Variants in PPARGC1B observed in about 807,000 individuals in gnomAD.
PPARGC1B encodes PPARG coactivator 1 beta.
A neutral mutation model predicts 101.6 loss-of-function variants in PPARGC1B; 34 were observed. The observed-to-expected ratio is 0.33, with a 90% CI of 0.25 to 0.45. The LOEUF (loss-of-function observed/expected upper bound fraction) is 0.45, where lower values mean the gene tolerates loss of function less well. PPARGC1B is among the 20% of genes least tolerant of loss of function. The pLI, the probability that PPARGC1B is intolerant of heterozygous loss-of-function variation, is 1.00. For synonymous variants in PPARGC1B, 548 were observed against 539.3 expected (o/e 1.02, Z -0.22); for missense variants, 1,234 against 1,317.6 (o/e 0.94, Z 0.98).
chr5:149,747,008 GAT>G (rs1226072739), intron 1 of PPARGC1B, among the ~76,000 whole-genome samples: 4 of 152,160 alleles, frequency 2.6e-5, no homozygotes, highest in Non-Finnish European at 4.4e-5. Context: ...AATCTCATCA[GAT>G]ATGATTTGCA....
intron 2 of PPARGC1B, 85 bp from the exon 3 acceptor site, chr5:149,826,588 G>A: frequency 6.6e-6 from 7 of 1,066,956 alleles, no homozygotes; most frequent in Non-Finnish European, 8.6e-6. Context: ...GGCAGAGCTG[G>A]TGTCCACCGT....
intron 1 of PPARGC1B, among the ~76,000 whole-genome samples, chr5:149,792,617 A>G (rs1414706801): frequency 6.6e-6 from 1 of 152,164 alleles, no homozygotes; most frequent in Non-Finnish European, 1.5e-5. Flanking sequence ...TTTGTGCCTG[A>G]GTTTTCCCAT....
intron 1 of PPARGC1B, among the ~76,000 whole-genome samples, chr5:149,794,569 C>T (rs1023114998): frequency 6.6e-6 from 1 of 151,590 alleles, no homozygotes; most frequent in African/African-American, 2.4e-5. Flanking sequence ...AGCAAAATTC[C>T]CTAAGCAGTA....
chr5:149,849,341 G>T lies in PPARGC1B; in HGVS notation c.*1783G>T, dbSNP rs1561646388. 6.6e-6 allele frequency: 1 copy of T among 152,192 alleles called. No individual in the cohort carries two copies. The highest frequency in any genetic ancestry group is 1.5e-5 in the Non-Finnish European group (1 of 68,044). 9.4% of individuals were successfully genotyped at this position (152,192 alleles called of 1,614,324 possible). ...GTAGGGGTAGGGAATTTGAACTGTT[G>T]TGTGTCACAGCAGTTGACCTCTCTG... On this transcript the variant is annotated 3_prime_UTR_variant, in exon 12 of 12. Coordinates refer to ENST00000309241, the MANE Select transcript of PPARGC1B (RefSeq NM_133263.4).
chr5:149,835,211 C>T, intron 6 of PPARGC1B, 90 bp from the exon 7 acceptor site: 1 of 1,187,990 alleles, frequency 8.4e-7, no homozygotes, highest in Non-Finnish European at 1.3e-6. Context: ...GGGCCTGTCA[C>T]AGCACTCCCT....
Position 149,730,723 on chromosome 5 carries a change from G to A in PPARGC1B, c.78+303G>A, listed in dbSNP as rs1032876656. Among the ~76,000 whole-genome samples the A allele has an allele frequency of 1.3e-5, 2 of 152,172 alleles. No homozygotes were observed. The highest frequency in any genetic ancestry group is 2.9e-5 in the Non-Finnish European group (2 of 67,992). On this transcript the variant is annotated intron_variant, in intron 1 of 11. Coordinates refer to ENST00000309241, the MANE Select transcript of PPARGC1B (RefSeq NM_133263.4). The surrounding 1 kb of genome is among the most constrained non-coding windows in gnomAD (Gnocchi z 4.0). ...GGGGGTACCGCGCTTCCTTTGGGAG[G>A]TGGAGGCGCGCCACGGTGTGGGGTA...
chr5:149,834,978 C>A (rs372156769), intron 6 of PPARGC1B, among the ~76,000 whole-genome samples: 2 of 152,258 alleles, frequency 1.3e-5, no homozygotes, highest in Non-Finnish European at 2.9e-5. Flanking sequence ...TCTTTTCTGA[C>A]AGTGCCCTGT....
intron 1 of PPARGC1B, among the ~76,000 whole-genome samples, chr5:149,756,272 G>C (rs1755517848): frequency 6.6e-6 from 1 of 152,044 alleles, no homozygotes; most frequent in African/African-American, 2.4e-5. Flanking sequence ...GACCAGCCTG[G>C]CCAACATGAT....
At chr5:149,738,846 C>G (rs933989132) in intron 1 of PPARGC1B, among the ~76,000 whole-genome samples, 18 of 152,212 alleles carry the variant, frequency 1.2e-4, no homozygotes. Context: ...CCGCTCGCCT[C>G]GGCCTCCCAA....
At chr5:149,855,074 C>T (rs1436916908), downstream of PPARGC1B, 1 of 152,224 alleles carries the variant, frequency 6.6e-6, no homozygotes, top group Non-Finnish European at 1.5e-5. Flanking sequence ...CATTGAGGGA[C>T]ACTCTGACCA....
intron 8 of PPARGC1B, among the ~76,000 whole-genome samples, chr5:149,838,692 A>G (rs11953848): frequency 0.076 from 11,558 of 152,200 alleles, 747 homozygotes; most frequent in African/African-American, 0.17. Context: ...AGAAACCCCC[A>G]TGGATTTTCC....
chr5:149,792,111 T>G (rs1581058446), intron 1 of PPARGC1B, among the ~76,000 whole-genome samples: 3 of 148,404 alleles, frequency 2.0e-5, no homozygotes, highest in Non-Finnish European at 4.5e-5. Flanking sequence ...GCGGGTGGAG[T>G]GGTGGAAAGG....
chr5:149,832,669 A>C lies in PPARGC1B; in HGVS notation c.596A>C (p.Gln199Pro). 1 of 1,542,862 alleles carries C rather than the reference A, an allele frequency of 6.5e-7. No homozygotes were observed. The highest frequency in any genetic ancestry group is 2.3e-5 in the East Asian group (1 of 43,974). ...QRPCVKADST[Q>P]DKKAPMMQSQ... ...CTCCCTCTCTAGGCGGACAGCACCC[A>C]AGACAAGAAGGCTCCCATGATGCAG... The change falls in exon 5 of 12, where the codon CAA (glutamine) becomes CCA (proline). Residue 199 changes from glutamine (Q) to proline (P), a missense_variant. This residue lies in a region of PPARGC1B where 734 missense variants were observed against 768.4 expected (regional missense o/e 0.96). Transcript: ENST00000309241. This position sits in a 1 kb window ranked among gnomAD's most constrained non-coding sequence, Gnocchi z 4.9.
intron 9 of PPARGC1B, among the ~76,000 whole-genome samples, chr5:149,841,380 C>G (rs760329002): frequency 7.9e-5 from 12 of 152,110 alleles, no homozygotes; most frequent in Non-Finnish European, 1.3e-4. Flanking sequence ...GCTTGGACAT[C>G]GTATGTTGTG....
intron 1 of PPARGC1B, among the ~76,000 whole-genome samples, chr5:149,766,208 T>C (rs1346045236): frequency 3.9e-5 from 6 of 152,090 alleles, no homozygotes; most frequent in Non-Finnish European, 7.4e-5. Flanking sequence ...ATGATTATGA[T>C]AAGAAATCAG....
Position 149,847,822 on chromosome 5 carries a change from G to T in PPARGC1B, c.*264G>T. The T allele has an allele frequency of 2.1e-6, 1 of 476,894 alleles. No homozygotes were observed. 29.5% of individuals were successfully genotyped at this position (476,894 alleles called of 1,614,324 possible). On this transcript the variant is annotated 3_prime_UTR_variant, in exon 12 of 12. Transcript: ENST00000309241. ...TCGCTTCCAACGGGTTGTCCCGGGT[G>T]CACCTCGAAGTGCCGGGTCCGTCAC...
chr5:149,758,234 A>C (rs1230212645), intron 1 of PPARGC1B, among the ~76,000 whole-genome samples: 1 of 152,180 alleles, frequency 6.6e-6, no homozygotes, highest in Non-Finnish European at 1.5e-5. Flanking sequence ...GGCAAGTCTC[A>C]CCACTCCCTT....
intron 1 of PPARGC1B, among the ~76,000 whole-genome samples, chr5:149,778,276 A>G (rs188775778): frequency 2.0e-5 from 3 of 152,004 alleles, no homozygotes; most frequent in Non-Finnish European, 4.4e-5. Context: ...AGTGGTGAGG[A>G]GGCCTGGGTT....
chr5:149,744,319 G>A (rs1004590788), intron 1 of PPARGC1B, among the ~76,000 whole-genome samples: 1 of 152,218 alleles, frequency 6.6e-6, no homozygotes, highest in Non-Finnish European at 1.5e-5. Flanking sequence ...CATTGGTTCT[G>A]TTAGTGTGTG....
Sources: allele counts gnomAD v4.1 joint callset (sites outside exome capture counted in the v4.1 genomes callset), GRCh38; gene constraint gnomAD v4.1.1; regional missense constraint gnomAD v4.1.1; non-coding constraint Gnocchi (gnomAD v3.1); transcripts MANE v1.5; gene names NCBI Gene and HGNC (gene_info 2026-07-23, HGNC 2026-07-21).